The following IL1RAPL2 variants were observed in gnomAD, a reference collection of about 807,000 sequenced individuals.
The protein encoded by IL1RAPL2 is X-linked interleukin-1 receptor accessory protein-like 2.
Under a neutral mutation model 44.1 loss-of-function variants are expected in IL1RAPL2, and 3 were observed. The ratio of observed to expected loss-of-function variants is 0.07; its 90% CI spans 0.03 to 0.18. The LOEUF (loss-of-function observed/expected upper bound fraction) is 0.18, where lower values mean the gene tolerates loss of function less well. Ranked by LOEUF, IL1RAPL2 falls within the 10% of genes least tolerant of loss-of-function variation. IL1RAPL2 has a pLI of 1.00. For synonymous variants in IL1RAPL2, 181 were observed against 178.8 expected (o/e 1.01, Z -0.10); for missense variants, 391 against 496.4 (o/e 0.79, Z 2.02).
At chrX:105,725,806 T>C (rs1364521989) in intron 7 of IL1RAPL2, among the ~76,000 whole-genome samples, 2 of 111,974 alleles carry the variant, frequency 1.8e-5, no homozygotes, top group Non-Finnish European at 3.8e-5. Context: ...TTTCTTCTAC[T>C]CTCAGCTCAT....
At chrX:104,668,936 T>C (rs372360375) in intron 2 of IL1RAPL2, among the ~76,000 whole-genome samples, 1 of 111,482 alleles carries the variant, frequency 9.0e-6, no homozygotes, top group Non-Finnish European at 1.9e-5. Flanking sequence ...GCTTAGGTTC[T>C]CACCAAACTA....
intron 1 of IL1RAPL2, among the ~76,000 whole-genome samples, chrX:104,587,431 T>C (rs1928582013): frequency 9.0e-6 from 1 of 111,490 alleles, no homozygotes; most frequent in Non-Finnish European, 1.9e-5. Flanking sequence ...AGACAGTGAT[T>C]CTCAAACTTT....
At chrX:105,176,678 A>T (rs1199660448) in intron 2 of IL1RAPL2, among the ~76,000 whole-genome samples, 2 of 109,827 alleles carry the variant, frequency 1.8e-5, no homozygotes, top group African/African-American at 6.6e-5. Flanking sequence ...CACCCCATCC[A>T]CCTGTGGGGA....
chrX:104,657,062 A>G (rs948890536), intron 1 of IL1RAPL2, among the ~76,000 whole-genome samples: 2 of 110,514 alleles, frequency 1.8e-5, no homozygotes, highest in African/African-American at 3.3e-5. Flanking sequence ...TTTTGAGCCT[A>G]TGTGCATCTT....
chrX:104,665,926 A>G (rs1279722505), intron 2 of IL1RAPL2, among the ~76,000 whole-genome samples: 2 of 111,581 alleles, frequency 1.8e-5, no homozygotes, highest in African/African-American at 6.5e-5. Flanking sequence ...AGAAGTGGAA[A>G]TGTTGGATAA....
intron 5 of IL1RAPL2, among the ~76,000 whole-genome samples, chrX:105,368,915 A>G (rs1272553155): frequency 1.8e-5 from 2 of 109,238 alleles, no homozygotes; most frequent in African/African-American, 6.6e-5. Flanking sequence ...GATATTTACC[A>G]GTGACCTGTC....
chrX:105,342,527 C>T (rs2035079427), intron 5 of IL1RAPL2, among the ~76,000 whole-genome samples: 1 of 111,526 alleles, frequency 9.0e-6, no homozygotes, highest in African/African-American at 3.3e-5. Context: ...CAATTGTCCT[C>T]AAAGGCTTGT....
chrX:104,867,718 T>C (rs1211350624), intron 2 of IL1RAPL2, among the ~76,000 whole-genome samples: 3 of 111,764 alleles, frequency 2.7e-5, no homozygotes, highest in Non-Finnish European at 5.6e-5. Flanking sequence ...TAATCAACTA[T>C]GTGTTTCAGA....
chrX:104,949,288 A>C (rs1373904009), intron 2 of IL1RAPL2, among the ~76,000 whole-genome samples: 1 of 110,215 alleles, frequency 9.1e-6, no homozygotes, highest in East Asian at 2.9e-4. Context: ...TTTTTATTGC[A>C]TGTCTTTGAT....
At chrX:104,823,562 G>A (rs370431626) in intron 2 of IL1RAPL2, among the ~76,000 whole-genome samples, 201 of 107,531 alleles carry the variant, frequency 1.9e-3, no homozygotes, top group African/African-American at 6.2e-3. Flanking sequence ...ATAAACATAC[G>A]TGTGCATGTG....
intron 5 of IL1RAPL2, among the ~76,000 whole-genome samples, chrX:105,299,177 T>C (rs1329111153): frequency 8.9e-6 from 1 of 112,090 alleles, no homozygotes; most frequent in Non-Finnish European, 1.9e-5. Context: ...TGAGGTTTAA[T>C]TGACATAGAA....
At chrX:105,040,377 A>C (rs892758098) in intron 2 of IL1RAPL2, among the ~76,000 whole-genome samples, 1 of 111,539 alleles carries the variant, frequency 9.0e-6, no homozygotes, top group African/African-American at 3.3e-5. Context: ...CTTTGGTATG[A>C]GGATGATGCT....
intron 2 of IL1RAPL2, among the ~76,000 whole-genome samples, chrX:105,030,212 G>A (rs1255017516): frequency 9.0e-6 from 1 of 111,286 alleles, no homozygotes; most frequent in Non-Finnish European, 1.9e-5. Context: ...TCACTCTGAT[G>A]GTAGTTTCTT....
chrX:105,426,541 A>G (rs1302376700), intron 5 of IL1RAPL2, among the ~76,000 whole-genome samples: 2 of 110,589 alleles, frequency 1.8e-5, no homozygotes, highest in African/African-American at 6.6e-5. Context: ...CTCATTTTAC[A>G]TTGTTCCTTT....
At chrX:105,413,693 T>A (rs993181873) in intron 5 of IL1RAPL2, among the ~76,000 whole-genome samples, 1 of 112,545 alleles carries the variant, frequency 8.9e-6, no homozygotes, top group Non-Finnish European at 1.9e-5. Flanking sequence ...GGTAATTTGT[T>A]AAGTAGTCAT....
intron 1 of IL1RAPL2, among the ~76,000 whole-genome samples, chrX:104,570,954 T>G (rs1449257106): frequency 9.0e-6 from 1 of 111,089 alleles, no homozygotes; most frequent in Non-Finnish European, 1.9e-5. Flanking sequence ...GTTTTTTTTT[T>G]TTATCCCTTC....
intron 6 of IL1RAPL2, among the ~76,000 whole-genome samples, chrX:105,657,724 G>A (rs972732921): frequency 9.0e-6 from 1 of 111,503 alleles, no homozygotes; most frequent in African/African-American, 3.3e-5. Context: ...AGCGATTCTT[G>A]TGCCTCAGCC....
At chrX:104,985,507 C>T (rs1409854340) in intron 2 of IL1RAPL2, among the ~76,000 whole-genome samples, 1 of 112,122 alleles carries the variant, frequency 8.9e-6, no homozygotes, top group Non-Finnish European at 1.9e-5. Flanking sequence ...CCCATTAATG[C>T]TGCATAGCTA....
At chrX:104,897,090 G>C (rs890134059) in intron 2 of IL1RAPL2, among the ~76,000 whole-genome samples, 1 of 111,868 alleles carries the variant, frequency 8.9e-6, no homozygotes, top group African/African-American at 3.3e-5. Context: ...CGAAGTCAGC[G>C]AGACCAAGAA....
Sources: allele counts gnomAD v4.1 joint callset (sites outside exome capture counted in the v4.1 genomes callset), GRCh38; gene constraint gnomAD v4.1.1; transcripts MANE v1.5; gene names NCBI Gene and HGNC (gene_info 2026-07-23, HGNC 2026-07-21).